Variants in FBN3 observed in about 807,000 individuals in gnomAD.
The protein encoded by FBN3 is fibrillin-3.
FBN3 carries 234 observed loss-of-function variants against 330.1 expected under a neutral mutation model. The ratio of observed to expected loss-of-function variants is 0.71; its 90% CI spans 0.64 to 0.79. FBN3 has a LOEUF of 0.79. Among genes scored for constraint, FBN3 ranks in the 30% least tolerant of loss-of-function variants. FBN3 has a pLI of 0.00. For synonymous variants in FBN3, 1,458 were observed against 1,517.3 expected (o/e 0.96, Z 0.91); for missense variants, 3,606 against 3,886.9 (o/e 0.93, Z 1.92).
In FBN3 at chr19:8,065,701, C is replaced by T. The variant is rs2081374358; in HGVS notation, c.*218G>A. The T allele has an allele frequency of 1.8e-6, 1 of 549,258 alleles. No homozygotes were observed. Among genetic ancestry groups the T allele is most frequent in the Non-Finnish European group, 3.2e-6 (1 of 312,284 alleles). 34.0% of individuals were successfully genotyped at this position (549,258 alleles called of 1,614,324 possible). On this transcript the variant is annotated 3_prime_UTR_variant, in exon 64 of 64. Coordinates refer to ENST00000600128, the MANE Select transcript of FBN3 (RefSeq NM_032447.5). Reference sequence around the variant, plus strand: ...GCAGGGGGATTGCACATTGCAGCTTCTTGCTGTCTCCAGGAAAGACTGAGT... The same window carrying T: ...GCAGGGGGATTGCACATTGCAGCTTTTTGCTGTCTCCAGGAAAGACTGAGT...
Position 8,087,846 on chromosome 19 carries a change from C to T in FBN3, c.6598G>A (p.Glu2200Lys), listed in dbSNP as rs773758521. ...CTACCTCGACACATGGCCCCATCCT[C>T]CCGCAGGGTGTAGCCGGCTGGACAG... ...CTCPAGYTLR[E>K]DGAMCRDVDE... The change falls in exon 53 of 64, where the codon GAG becomes AAG. Residue 2200 changes from glutamate (E) to lysine (K), a missense_variant. Physicochemically the swap from Glu to Lys is moderately conservative, Grantham distance 56. Coordinates refer to ENST00000600128, the MANE Select transcript of FBN3 (RefSeq NM_032447.5). The T allele has an allele frequency of 1.9e-6, 3 of 1,614,110 alleles. No homozygotes were observed. The highest frequency in any genetic ancestry group is 2.5e-6 in the Non-Finnish European group (3 of 1,180,000).
intron 23 of FBN3, 97 bp from the exon 24 acceptor site, chr19:8,123,686 TC>T (rs2082908609): frequency 6.3e-7 from 1 of 1,592,088 alleles, no homozygotes; most frequent in Admixed American, 1.7e-5. Flanking sequence ...CTTACCCACA[TC>T]CCCTTTTCCC....
intron 63 of FBN3, 56 bp from the exon 64 acceptor site, chr19:8,066,316 G>C: frequency 7.8e-7 from 1 of 1,286,236 alleles, no homozygotes; most frequent in Non-Finnish European, 1.1e-6. Flanking sequence ...GATGTGGTGT[G>C]GGTAGGGGGT....
Position 8,080,924 on chromosome 19 carries a change from C to G in FBN3, c.7453+79G>C. The G allele has an allele frequency of 3.7e-6, 4 of 1,078,970 alleles. No individual in the cohort carries two copies. In the South Asian group the frequency reaches 5.1e-5, roughly 14 times the overall value. The allele number at this position is 1,078,970 out of a possible 1,614,324, so 66.8% of individuals were successfully genotyped here. ...GGCGTGAGCCATTGCGCCTGGCCAA[C>G]TTGATATTTTTTTGGTGAGCAAAAT... On this transcript the variant is annotated intron_variant, in intron 59 of 63. Coordinates refer to ENST00000600128, the MANE Select transcript of FBN3 (RefSeq NM_032447.5).
intron 13 of FBN3, 25 bp downstream of exon 13, chr19:8,135,936 G>GTCCCCCCCCCC: frequency 4.0e-5 from 27 of 668,778 alleles, no homozygotes; most frequent in South Asian, 8.1e-5. Flanking sequence ...GGAAGCCCCT[G>GTCCCCCCCCCC]CCCACCCGCC....
Position 8,112,027 on chromosome 19 carries a change from A to G in FBN3, c.3911T>C (p.Phe1304Ser). ...HASCLNIPGS[F>S]SCRCLPGWVG... is the part of the protein sequence containing the mutation. ...CCAGCCTGGCAGGCACCTACAGCTG[A>G]AACTCCCCGGGATGTTGAGACAGGA... is the stretch of plus-strand genomic sequence containing the variant. Residue 1304 changes from phenylalanine to serine, a missense_variant, in exon 31 of 64, where the codon TTC (phenylalanine) becomes TCC (serine). Phe to Ser is a radical substitution (Grantham distance 155). Transcript: ENST00000600128. 1 of 1,611,434 alleles carries G rather than the reference A, an allele frequency of 6.2e-7. No homozygotes were observed. The highest frequency in any genetic ancestry group is 8.5e-7 in the Non-Finnish European group (1 of 1,178,988).
In FBN3 at chr19:8,109,479, A is replaced by G; in HGVS notation, c.4457-91T>C. ...CATGTGTCTATTTCAACAGGTGACA[A>G]GGACAACCACTCTTGCAGGAGACCA... On this transcript the variant is annotated intron_variant, in intron 35 of 63. Transcript: ENST00000600128. The surrounding 1 kb of genome is among the most constrained non-coding windows in gnomAD (Gnocchi z 5.2). 1.3e-6 allele frequency: 2 copies of G among 1,546,610 alleles called. No homozygotes were observed. The highest frequency in any genetic ancestry group is 2.4e-5 in the South Asian group (2 of 84,780).
At chr19:8,133,940 AAT>A (rs1228818209) in intron 13 of FBN3, among the ~76,000 whole-genome samples, 8 of 151,458 alleles carry the variant, frequency 5.3e-5, no homozygotes, top group Non-Finnish European at 1.2e-4. Flanking sequence ...TAAAAAAAAA[AAT>A]GTGGCTGGGT....
intron 10 of FBN3, among the ~76,000 whole-genome samples, chr19:8,137,187 GGGT>G (rs2083307169): frequency 1.3e-5 from 2 of 150,742 alleles, no homozygotes; most frequent in Non-Finnish European, 3.0e-5. Flanking sequence ...CTCCAACCTG[GGGT>G]CTAGATCCCT....
intron 39 of FBN3, 42 bp downstream of exon 39, chr19:8,103,520 G>A: frequency 1.3e-6 from 2 of 1,599,880 alleles, no homozygotes; most frequent in Non-Finnish European, 1.7e-6. Flanking sequence ...CCCAGGTGCT[G>A]CTTCTGTGAC....
intron 30 of FBN3, among the ~76,000 whole-genome samples, 170 bp downstream of exon 30, chr19:8,115,345 C>A (rs553856596): frequency 6.6e-6 from 1 of 152,136 alleles, no homozygotes; most frequent in African/African-American, 2.4e-5. Context: ...GGGGACCCCC[C>A]GGGGCACTGT....
Position 8,086,518 on chromosome 19 carries a change from C to T in FBN3, c.6755-193G>A, listed in dbSNP as rs371056471. On this transcript the variant is annotated intron_variant, in intron 54 of 63. Coordinates refer to ENST00000600128, the MANE Select transcript of FBN3 (RefSeq NM_032447.5). The stretch of plus-strand genomic sequence containing the variant: ...GTTTCCCAGGCTGGAGTGCAATTGC[C>T]TGATCTTGGGTCACTACAACGTCCA... 4.3e-4 allele frequency among the ~76,000 whole-genome samples: 64 copies of T among 148,660 alleles called. No homozygotes were observed. The South Asian group carries it at 0.013, about 31-fold the overall frequency.
At position 8,095,488 on chromosome 19, in the gene FBN3, G is replaced by A. The variant is rs150574047; in HGVS notation, c.5672C>T (p.Thr1891Ile). 1 of 1,613,634 alleles carries A rather than the reference G, an allele frequency of 6.2e-7. No homozygotes were observed. The highest frequency in any genetic ancestry group is 1.3e-5 in the African/African-American group (1 of 75,040). Residue 1891 changes from threonine to isoleucine, a missense_variant, in exon 46 of 64, where the codon ACT (threonine) becomes ATT (isoleucine). Physicochemically the swap from Thr to Ile is moderately conservative, Grantham distance 89. Coordinates refer to ENST00000600128, the MANE Select transcript of FBN3 (RefSeq NM_032447.5). ...TCGGCACACCTGCCCCACCAGGGTA[G>A]TACACTCATCAAAATCTGTAGAGGG... ...NGDCVDFDEC[T>I]TLVGQVCRFG...
At chr19:8,092,149 G>A (rs551868258) in intron 47 of FBN3, among the ~76,000 whole-genome samples, 1 of 151,264 alleles carries the variant, frequency 6.6e-6, no homozygotes, top group East Asian at 2.0e-4. Context: ...CTGCACTTGA[G>A]CCTGGGTGAC....
chr19:8,080,947 A>G, intron 59 of FBN3, 56 bp downstream of exon 59: 2 of 1,287,678 alleles, frequency 1.6e-6, no homozygotes, highest in Non-Finnish European at 2.2e-6. Context: ...TGGTGAGCAA[A>G]ATAACTAATG....
At position 8,140,622 on chromosome 19, in the gene FBN3, C is replaced by A. The variant is rs1031523986; in HGVS notation, c.865+1095G>T. Among the ~76,000 whole-genome samples the A allele has an allele frequency of 5.3e-5, 8 of 152,262 alleles. No individual in the cohort carries two copies. In the East Asian group the frequency reaches 1.4e-3, roughly 26 times the overall value. On this transcript the variant is annotated intron_variant, in intron 8 of 63. Coordinates refer to ENST00000600128, the MANE Select transcript of FBN3 (RefSeq NM_032447.5). ...CTCCCCAAATGATATCTTACTCAAT[C>A]TTCATTGAGCTAGGTACTGCTATTA...
At chr19:8,123,404 T>G in intron 24 of FBN3, 60 bp downstream of exon 24, 3 of 1,568,512 alleles carry the variant, frequency 1.9e-6, no homozygotes, top group South Asian at 1.1e-5. Context: ...TACGTCTTAT[T>G]TGAGGCCCCT....
chr19:8,100,841 G>C, intron 41 of FBN3, 60 bp downstream of exon 41: 2 of 1,351,284 alleles, frequency 1.5e-6, no homozygotes, highest in Non-Finnish European at 2.1e-6. Flanking sequence ...GGGGAGGGGT[G>C]GGAGGAAGCA....
chr19:8,138,333 A>G lies in FBN3; in HGVS notation c.1019-10T>C, dbSNP rs780193282. 6.2e-7 allele frequency: 1 copy of G among 1,612,826 alleles called. No individual in the cohort carries two copies. The highest frequency in any genetic ancestry group is 8.5e-7 in the Non-Finnish European group (1 of 1,179,620). ...AGTTGCTGGAATTCATCTGCAAGGA[A>G]GCAGGGTTGAGGCCAGGCCCTTGGC... On this transcript the variant is annotated splice_polypyrimidine_tract_variant and intron_variant, in intron 9 of 63. Coordinates refer to ENST00000600128, the MANE Select transcript of FBN3 (RefSeq NM_032447.5).
Sources: gnomAD v4.1 joint callset for allele counts (sites outside exome capture counted in the v4.1 genomes callset) on GRCh38, gnomAD v4.1.1 for gene constraint, Gnocchi (gnomAD v3.1) non-coding constraint, MANE v1.5 for transcripts, NCBI Gene and HGNC (gene_info 2026-07-23, HGNC 2026-07-21) for gene names.